The following DDX5 variants were observed in gnomAD, a reference collection of about 807,000 sequenced individuals.
DDX5 encodes the protein probable ATP-dependent RNA helicase DDX5.
In DDX5, 6 loss-of-function variants were observed where a neutral mutation model predicts 68.6. The observed-to-expected ratio is 0.09, with a 90% CI of 0.05 to 0.17. DDX5 has a LOEUF of 0.17. Ranked by LOEUF, DDX5 falls within the 10% of genes least tolerant of loss-of-function variation. The pLI is 1.00. For synonymous variants in DDX5, 350 were observed against 247.0 expected, an observed-to-expected ratio of 1.42 and a Z score of -3.91; for missense variants, 499 against 756.1, an observed-to-expected ratio of 0.66 and a Z score of 3.99.
chr17:64,501,533 A>T (rs1423528246), intron 11 of DDX5: 1 of 164,270 alleles, frequency 6.1e-6, no homozygotes, highest in Admixed American at 6.0e-5. Flanking sequence ...CTTGAACAAA[A>T]ATTTCATTGA....
intron 1 of DDX5, chr17:64,505,855 C>T (rs2038480695): frequency 6.5e-7 from 1 of 1,536,012 alleles, no homozygotes; most frequent in Admixed American, 2.0e-5. Context: ...CGACAGCTCC[C>T]CAATCCCCAC....
At chr17:64,504,528 T>A (rs1431767183) in intron 2 of DDX5, 149 bp downstream of exon 2, 43 of 1,081,768 alleles carry the variant, frequency 4.0e-5, no homozygotes, top group Non-Finnish European at 4.7e-5. Flanking sequence ...GCCACCTATA[T>A]CCAAAAGTGA....
Position 64,506,287 on chromosome 17 carries a change from G to C in DDX5, c.-168C>G. On this transcript the variant is annotated 5_prime_UTR_variant, in exon 1 of 13. Transcript: ENST00000225792. Reference sequence around the variant, plus strand: ...ACTAGAGACCGGTAGAAATGAATGAGGTGCCGGCCGCTTTCCGGCAGCCGC... The same window carrying C: ...ACTAGAGACCGGTAGAAATGAATGACGTGCCGGCCGCTTTCCGGCAGCCGC... 6.6e-7 allele frequency: 1 copy of C among 1,526,434 alleles called. No homozygotes were observed. The highest frequency in any genetic ancestry group is 2.0e-5 in the Admixed American group (1 of 50,078). 94.6% of individuals were successfully genotyped at this position (1,526,434 alleles called of 1,614,324 possible).
At chr17:64,506,417 C>T, upstream of DDX5, 2 of 1,383,132 alleles carry the variant, frequency 1.4e-6, no homozygotes, top group Non-Finnish European at 1.9e-6. Context: ...CGCTGGCGTT[C>T]CAGGATCGCC....
chr17:64,504,675 A>G lies in DDX5; in HGVS notation c.210+2T>C, dbSNP rs2038381239. ...CTGATGAAGCCACATGAATTTACTC[A>G]CTGCTGTGCGCCTAGCCAAATCAGG... On this transcript the variant is annotated splice_donor_variant, in intron 2 of 12. Transcript: ENST00000225792. LOFTEE classifies it high-confidence loss of function. The G allele has an allele frequency of 6.2e-7, 1 of 1,604,694 alleles. No homozygotes were observed. Among genetic ancestry groups the G allele is most frequent in the Admixed American group, 1.7e-5 (1 of 57,406 alleles).
At chr17:64,506,016 C>G (rs1461232005) in intron 1 of DDX5, 60 bp downstream of exon 1, 16 of 1,527,720 alleles carry the variant, frequency 1.0e-5, no homozygotes, top group African/African-American at 2.8e-5. Flanking sequence ...CGGCCGCCAC[C>G]CTGACCCGCC....
In DDX5 at chr17:64,504,858, A is replaced by G. The variant is rs566133319; in HGVS notation, c.45-16T>C. 2 of 1,588,760 alleles carry G rather than the reference A, an allele frequency of 1.3e-6. No individual in the cohort carries two copies. The highest frequency in any genetic ancestry group is 1.2e-5 in the South Asian group (1 of 86,572). Reference sequence around the variant, plus strand: ...TGCACCAAACCTGGAATGAAAAAAAACGTTATTCACATTTTCAAATGGCTA... The same window carrying G: ...TGCACCAAACCTGGAATGAAAAAAAGCGTTATTCACATTTTCAAATGGCTA... On this transcript the variant is annotated splice_polypyrimidine_tract_variant and intron_variant, in intron 1 of 12. Coordinates refer to ENST00000225792, the MANE Select transcript of DDX5 (RefSeq NM_004396.5).
rs1164660997 is a variant in DDX5 at position 64,499,791 on chromosome 17, G to C, written c.*132C>G. The C allele has an allele frequency of 2.4e-6, 2 of 826,058 alleles. No individual in the cohort carries two copies. The highest frequency in any genetic ancestry group is 3.5e-6 in the Non-Finnish European group (2 of 577,314). The allele number at this position is 826,058 out of a possible 1,614,324, so 51.2% of individuals were successfully genotyped here. On this transcript the variant is annotated 3_prime_UTR_variant, in exon 13 of 13. Coordinates refer to ENST00000225792, the MANE Select transcript of DDX5 (RefSeq NM_004396.5). ...AATATCCAACTTAAATAGCGAAAAAGTGCACCATAATTACTGCTGCACTGC... is the reference window on the plus strand; with the variant it reads ...AATATCCAACTTAAATAGCGAAAAACTGCACCATAATTACTGCTGCACTGC...
At chr17:64,503,405 A>G (rs2038346704) in intron 6 of DDX5, 25 bp downstream of exon 6, 1 of 1,613,932 alleles carries the variant, frequency 6.2e-7, no homozygotes, top group African/African-American at 1.3e-5. Flanking sequence ...CACCAATGAC[A>G]AATAAAACCC....
chr17:64,504,136 T>C lies in DDX5; in HGVS notation c.308-20A>G, dbSNP rs782183706. The C allele has an allele frequency of 1.2e-6, 2 of 1,613,796 alleles. No homozygotes were observed. The highest frequency in any genetic ancestry group is 1.7e-6 in the Non-Finnish European group (2 of 1,179,742). On this transcript the variant is annotated intron_variant, in intron 3 of 12. Coordinates refer to ENST00000225792, the MANE Select transcript of DDX5 (RefSeq NM_004396.5). Reference sequence around the variant, plus strand: ...CATTTGCTATAATTAGTAACAGATATTTAGTAAAAATTAGTGATGCCAAGA... The same window carrying C: ...CATTTGCTATAATTAGTAACAGATACTTAGTAAAAATTAGTGATGCCAAGA...
rs782418919 is a variant in DDX5, at chr17:64,502,566, G to C, written c.984-17C>G. On this transcript the variant is annotated splice_polypyrimidine_tract_variant and intron_variant, in intron 8 of 12. Transcript: ENST00000225792. ...CGAATAAGTCTAATAATAGGAGAGA[G>C]AAAGGAAAAATCCTGAGTTTTAAAA... The C allele has an allele frequency of 6.4e-7, 1 of 1,567,260 alleles. No individual in the cohort carries two copies. Among genetic ancestry groups the C allele is most frequent in the Non-Finnish European group, 8.8e-7 (1 of 1,141,728 alleles).
intron 1 of DDX5, chr17:64,505,314 C>T (rs1188319120): frequency 5.5e-6 from 2 of 363,582 alleles, no homozygotes; most frequent in African/African-American, 2.1e-5. Context: ...GATAACAGAA[C>T]AAGGGTTTTC....
intron 11 of DDX5, 29 bp downstream of exon 11, chr17:64,501,981 C>G (rs2038307977): frequency 6.2e-7 from 1 of 1,608,110 alleles, no homozygotes; most frequent in Non-Finnish European, 8.5e-7. Context: ...TTCTGGGAAA[C>G]CAAGCCATGA....
rs1555672572 is a variant in DDX5 at position 64,506,167 on chromosome 17, T to C, written c.-48A>G. ...GGGGAACGAAGTATATAGAAAAGCG[T>C]GCGACAAGTCGCTGGAAATGGCCTC... is the stretch of plus-strand genomic sequence containing the variant. On this transcript the variant is annotated 5_prime_UTR_variant, in exon 1 of 13. Coordinates refer to ENST00000225792, the MANE Select transcript of DDX5 (RefSeq NM_004396.5). 2 of 1,598,848 alleles carry C rather than the reference T, an allele frequency of 1.3e-6. No individual in the cohort carries two copies. The highest frequency in any genetic ancestry group is 2.7e-5 in the African/African-American group (2 of 74,748).
In DDX5 at chr17:64,504,052, T is replaced by A. The variant is rs782120200; in HGVS notation, c.372A>T (p.Gly124=). The change falls in exon 4 of 13, where the codon GGA becomes GGT. Residue 124 remains glycine, a synonymous_variant. Transcript: ENST00000225792. ...FTEPTAIQAQ[G]WPVALSGLDM... ...CCAATCCACTTAGAGCAACTGGCCA[T>A]CCCTGAGCTTGAATAGCAGTGGGTT... 2 of 1,614,146 alleles carry A rather than the reference T, an allele frequency of 1.2e-6. No homozygotes were observed. The highest frequency in any genetic ancestry group is 2.2e-5 in the South Asian group (2 of 91,084).
In DDX5 at chr17:64,503,178, G is replaced by A. The variant is rs546760220; in HGVS notation, c.810+10C>T. On this transcript the variant is annotated intron_variant, in intron 7 of 12. Coordinates refer to ENST00000225792, the MANE Select transcript of DDX5 (RefSeq NM_004396.5). ...ATTCAGTTTGATCACATATTTCAAA[G>A]GACACTTACTCTTATTTGATCCACA... 9.3e-6 allele frequency: 15 copies of A among 1,613,684 alleles called. No individual in the cohort carries two copies. The highest frequency in any genetic ancestry group is 5.3e-5 in the African/African-American group (4 of 74,980).
chr17:64,506,002 C>T (rs1450540429), intron 1 of DDX5, 74 bp downstream of exon 1: 29 of 1,543,368 alleles, frequency 1.9e-5, no homozygotes, highest in Admixed American at 1.6e-4. Flanking sequence ...CGCAAAGCCC[C>T]CGCCGGCCGC....
chr17:64,499,588 A>G lies in DDX5; in HGVS notation c.*335T>C, dbSNP rs572999633. On this transcript the variant is annotated 3_prime_UTR_variant, in exon 13 of 13. Coordinates refer to ENST00000225792, the MANE Select transcript of DDX5 (RefSeq NM_004396.5). ...CATCTTAAGCAAAGTTTTACATGACATTATATAAAATAAAGTACAATTTCC... is the reference window on the plus strand; with the variant it reads ...CATCTTAAGCAAAGTTTTACATGACGTTATATAAAATAAAGTACAATTTCC... 7.9e-6 allele frequency: 2 copies of G among 253,670 alleles called. No homozygotes were observed. Among genetic ancestry groups the G allele is most frequent in the African/African-American group, 4.4e-5 (2 of 45,866 alleles). 15.7% of individuals were successfully genotyped at this position (253,670 alleles called of 1,614,324 possible).
Position 64,500,175 on chromosome 17 carries a change from C to T in DDX5, c.1593G>A (p.Gln531=), listed in dbSNP as rs1555670772. Residue 531 remains glutamine (Q), a synonymous_variant, in exon 13 of 13, where the codon CAG becomes CAA. Transcript: ENST00000225792. ...AATTTGCAGCACTGTAAACACCATT[C>T]TGAGTTTTTGCCCCAAAATCTCTTT... The part of the protein sequence containing the change: ...LLKRDFGAKT[Q]NGVYSAANYT... The T allele has an allele frequency of 6.2e-7, 1 of 1,614,206 alleles. No individual in the cohort carries two copies. The highest frequency in any genetic ancestry group is 1.1e-5 in the South Asian group (1 of 91,086).
Sources: allele counts gnomAD v4.1 joint callset, GRCh38; gene constraint gnomAD v4.1.1; transcripts MANE v1.5; gene names NCBI Gene and HGNC (gene_info 2026-07-23, HGNC 2026-07-21).